UNC13C: variants seen among roughly 807,000 people sequenced by gnomAD.
The protein encoded by UNC13C is unc-13 homolog C.
In UNC13C, 174 loss-of-function variants were observed where a neutral mutation model predicts 245.4. The ratio of observed to expected loss-of-function variants is 0.71; its 90% CI spans 0.63 to 0.80. The LOEUF (loss-of-function observed/expected upper bound fraction) is 0.80. Ranked by LOEUF, UNC13C falls within the 30% of genes least tolerant of loss-of-function variation. UNC13C has a pLI of 0.00. For missense variants in UNC13C, 2,829 were observed against 2,602.9 expected (o/e 1.09, Z -1.89); for synonymous variants, 992 against 895.1 (o/e 1.11, Z -1.93).
At chr15:54,252,184 A>G (rs1223323323) in intron 8 of UNC13C, among the ~76,000 whole-genome samples, 2 of 152,190 alleles carry the variant, frequency 1.3e-5, no homozygotes, top group Non-Finnish European at 2.9e-5. Flanking sequence ...TCTAAGAACA[A>G]ATGGCTTAAA....
chr15:53,929,441 T>C, the UNC13C span, among the ~76,000 whole-genome samples: 3 of 152,318 alleles, frequency 2.0e-5, no homozygotes, highest in African/African-American at 7.2e-5. Context: ...TTGGTGAGTG[T>C]ATTTACCTCA....
At chr15:54,151,412 C>T (rs1454748396) in intron 4 of UNC13C, among the ~76,000 whole-genome samples, 1 of 151,806 alleles carries the variant, frequency 6.6e-6, no homozygotes, top group Non-Finnish European at 1.5e-5. Context: ...TCTTTTATTC[C>T]TTTTTTTTCT....
intron 2 of UNC13C, among the ~76,000 whole-genome samples, chr15:54,112,315 G>C (rs1441296274): frequency 3.3e-5 from 5 of 152,090 alleles, no homozygotes; most frequent in Non-Finnish European, 5.9e-5. Context: ...AGAGAGAGAG[G>C]GGCTCCTGAG....
chr15:53,870,032 G>T, the UNC13C span, among the ~76,000 whole-genome samples: 1 of 152,186 alleles, frequency 6.6e-6, no homozygotes, highest in South Asian at 2.1e-4. Flanking sequence ...AAGAAGATTT[G>T]TGTCTATATT....
At chr15:53,985,211 T>C (rs1894084005) in intron 1 of UNC13C, among the ~76,000 whole-genome samples, 1 of 152,034 alleles carries the variant, frequency 6.6e-6, no homozygotes, top group African/African-American at 2.4e-5. Flanking sequence ...GGTTTTCTGT[T>C]CCTGTGTTAT....
chr15:54,156,416 A>G (rs940827171), intron 4 of UNC13C, among the ~76,000 whole-genome samples: 1 of 152,304 alleles, frequency 6.6e-6, no homozygotes, highest in Non-Finnish European at 1.5e-5. Flanking sequence ...CTTTTTATAC[A>G]AGATGACATC....
intron 19 of UNC13C, among the ~76,000 whole-genome samples, chr15:54,447,085 G>T (rs1478128996): frequency 1.3e-5 from 2 of 152,126 alleles, no homozygotes; most frequent in Non-Finnish European, 2.9e-5. Flanking sequence ...TTATGTGCTG[G>T]ATTACGTTTA....
intron 2 of UNC13C, among the ~76,000 whole-genome samples, chr15:54,079,849 G>A (rs1394383074): frequency 6.6e-6 from 1 of 151,918 alleles, no homozygotes; most frequent in South Asian, 2.1e-4. Context: ...GTACTATGCT[G>A]AATAGAAATG....
At chr15:54,189,853 C>A (rs541400222) in intron 4 of UNC13C, among the ~76,000 whole-genome samples, 5 of 151,986 alleles carry the variant, frequency 3.3e-5, no homozygotes, top group African/African-American at 1.2e-4. Context: ...CCACTTAATA[C>A]CCATTTTGGT....
chr15:53,942,423 C>T, the UNC13C span, among the ~76,000 whole-genome samples: 4 of 152,070 alleles, frequency 2.6e-5, no homozygotes, highest in African/African-American at 7.2e-5. Flanking sequence ...GGAGAGAGAG[C>T]ATCAGGAAGA....
intron 4 of UNC13C, among the ~76,000 whole-genome samples, chr15:54,159,047 CA>C (rs893677554): frequency 6.6e-6 from 1 of 152,144 alleles, no homozygotes; most frequent in African/African-American, 2.4e-5. Context: ...CTATCTTTGG[CA>C]GGGGGGCCCA....
intron 14 of UNC13C, 127 bp downstream of exon 14, chr15:54,322,222 G>A (rs2038182348): frequency 1.2e-6 from 1 of 837,196 alleles, no homozygotes; most frequent in Non-Finnish European, 1.7e-6. Context: ...TAGCGTAATG[G>A]GTTCCAGCTC....
chr15:54,133,409 G>A (rs770141749), intron 2 of UNC13C, among the ~76,000 whole-genome samples: 7 of 152,124 alleles, frequency 4.6e-5, no homozygotes, highest in South Asian at 2.1e-4. Context: ...GCTGTTCGCC[G>A]AGTAAATATT....
chr15:53,921,934 G>A, the UNC13C span, among the ~76,000 whole-genome samples: 6 of 152,236 alleles, frequency 3.9e-5, no homozygotes, highest in Non-Finnish European at 7.4e-5. Flanking sequence ...TTCTAACTGC[G>A]ACTTGTGAGT....
intron 4 of UNC13C, among the ~76,000 whole-genome samples, chr15:54,211,163 C>T (rs2034867188): frequency 6.6e-6 from 1 of 152,090 alleles, no homozygotes; most frequent in Admixed American, 6.6e-5. Flanking sequence ...TTGAAGTCAT[C>T]ACTGTAAATT....
At chr15:54,593,111 AT>A (rs1898891941) in intron 30 of UNC13C, among the ~76,000 whole-genome samples, 1 of 152,216 alleles carries the variant, frequency 6.6e-6, no homozygotes, top group Middle Eastern at 3.4e-3. Flanking sequence ...TAATTGTTTT[AT>A]TTGAGGAGGC....
intron 29 of UNC13C, 24 bp from the exon 30 acceptor site, chr15:54,567,776 C>T (rs551243324): frequency 2.0e-5 from 31 of 1,560,726 alleles, no homozygotes; most frequent in African/African-American, 1.6e-4. Context: ...CTAAATGCCT[C>T]GGCTTATTTT....
chr15:54,585,560 A>T (rs1898446125), intron 30 of UNC13C, among the ~76,000 whole-genome samples: 1 of 152,226 alleles, frequency 6.6e-6, no homozygotes, highest in African/African-American at 2.4e-5. Flanking sequence ...TGTAGGTATT[A>T]ATTTAACAGA....
At chr15:53,995,878 G>T (rs567404763) in intron 1 of UNC13C, among the ~76,000 whole-genome samples, 3 of 152,190 alleles carry the variant, frequency 2.0e-5, no homozygotes, top group African/African-American at 7.2e-5. Flanking sequence ...GAAAGGACTC[G>T]TGGAGAAGTA....
Sources: allele counts gnomAD v4.1 joint callset (sites outside exome capture counted in the v4.1 genomes callset), GRCh38; gene constraint gnomAD v4.1.1; transcripts MANE v1.5; gene names NCBI Gene and HGNC (gene_info 2026-07-23, HGNC 2026-07-21).